RBM20: variants seen among roughly 807,000 people sequenced by gnomAD.
RBM20 encodes the protein RNA binding motif protein 20.
A neutral mutation model predicts 110.1 loss-of-function variants in RBM20; 51 were observed. The ratio of observed to expected loss-of-function variants is 0.46; its 90% confidence interval spans 0.37 to 0.59. RBM20 has a LOEUF of 0.59. RBM20 is among the 20% of genes least tolerant of loss of function. The probability of loss-of-function intolerance (pLI) is 0.00; values close to 1 mark genes in which losing one functional copy is unlikely to be tolerated. For missense variants in RBM20, 1,512 were observed against 1,574.9 expected (o/e 0.96, Z 0.68); for synonymous variants, 589 against 618.2 (o/e 0.95, Z 0.70).
intron 7 of RBM20, among the ~76,000 whole-genome samples, chr10:110,803,557 G>A (rs916817912): frequency 6.6e-6 from 1 of 152,050 alleles, no homozygotes; most frequent in Non-Finnish European, 1.5e-5. Flanking sequence ...GTGGTCCTCG[G>A]AGAACACTTT....
At chr10:110,789,952 T>C (rs941263234) in intron 5 of RBM20, among the ~76,000 whole-genome samples, 4 of 152,248 alleles carry the variant, frequency 2.6e-5, no homozygotes, top group African/African-American at 9.6e-5. Context: ...TCTCTGTGTC[T>C]GTCCCTGTAA....
At chr10:110,644,092 G>A (rs964672439), upstream of RBM20, among the ~76,000 whole-genome samples, 1 of 152,182 alleles carries the variant, frequency 6.6e-6, no homozygotes, top group East Asian at 1.9e-4. This position sits in a 1 kb window ranked among gnomAD's most constrained non-coding sequence, Gnocchi z 4.3. Flanking sequence ...TACGGACCCT[G>A]AGGGTGCACT....
chr10:110,743,996 G>A (rs2134973155), intron 1 of RBM20, among the ~76,000 whole-genome samples: 1 of 152,112 alleles, frequency 6.6e-6, no homozygotes, highest in East Asian at 1.9e-4. Flanking sequence ...TGATCCTGGT[G>A]GGGGCTCCAG....
At chr10:110,694,019 A>G (rs1317909181) in intron 1 of RBM20, among the ~76,000 whole-genome samples, 1 of 152,186 alleles carries the variant, frequency 6.6e-6, no homozygotes, top group Non-Finnish European at 1.5e-5. Context: ...GGTCAGAGAG[A>G]GCTAAGAGAA....
intron 1 of RBM20, among the ~76,000 whole-genome samples, chr10:110,723,131 C>T (rs1162426089): frequency 6.8e-6 from 1 of 147,700 alleles, no homozygotes; most frequent in Non-Finnish European, 1.5e-5. Flanking sequence ...AAAAAAAAAT[C>T]ATCCCAGCAA....
At chr10:110,733,085 C>T (rs1590642834) in intron 1 of RBM20, among the ~76,000 whole-genome samples, 1 of 152,174 alleles carries the variant, frequency 6.6e-6, no homozygotes, top group Non-Finnish European at 1.5e-5. Flanking sequence ...GTCTCAGCAC[C>T]GTCACCACCG....
intron 1 of RBM20, among the ~76,000 whole-genome samples, chr10:110,705,312 A>G (rs1283021367): frequency 6.6e-6 from 1 of 152,254 alleles, no homozygotes; most frequent in African/African-American, 2.4e-5. Flanking sequence ...TTCAGTTTGT[A>G]AACAATGAAT....
chr10:110,703,432 TA>T (rs910984709), intron 1 of RBM20, among the ~76,000 whole-genome samples: 16 of 151,492 alleles, frequency 1.1e-4, no homozygotes, highest in African/African-American at 3.9e-4. Flanking sequence ...CAGTTAAAAA[TA>T]AAACTAAAAA....
At chr10:110,764,350 G>A (rs993337711) in intron 1 of RBM20, among the ~76,000 whole-genome samples, 2 of 152,304 alleles carry the variant, frequency 1.3e-5, no homozygotes, top group South Asian at 2.1e-4. Flanking sequence ...TAAACCAGGC[G>A]AGGCTTTGGA....
intron 1 of RBM20, among the ~76,000 whole-genome samples, chr10:110,675,883 C>G (rs1174704851): frequency 2.6e-5 from 4 of 152,200 alleles, no homozygotes; most frequent in African/African-American, 7.2e-5. Context: ...AGCAGAATGC[C>G]TAGCAGAGAG....
chr10:110,697,290 C>G (rs1862679871), intron 1 of RBM20, among the ~76,000 whole-genome samples: 1 of 152,236 alleles, frequency 6.6e-6, no homozygotes, highest in African/African-American at 2.4e-5. Flanking sequence ...GTATCCCTGG[C>G]TGTTCCCCAC....
In RBM20 at chr10:110,714,984, A is replaced by C. The variant is rs534001390; in HGVS notation, c.192-65817A>C. ...ATTTATTGCCTGGGAGCATTGGTTC[A>C]AGCCTGTAATCCCAGCACTTTGGGA... On this transcript the variant is annotated intron_variant, in intron 1 of 13. Coordinates refer to ENST00000369519, the MANE Select transcript of RBM20 (RefSeq NM_001134363.3). 7.2e-5 allele frequency among the ~76,000 whole-genome samples: 11 copies of C among 152,356 alleles called. No homozygotes were observed. In the South Asian group the frequency reaches 2.3e-3, roughly 32 times the overall value.
At chr10:110,706,501 G>A (rs747705385) in intron 1 of RBM20, among the ~76,000 whole-genome samples, 1 of 152,176 alleles carries the variant, frequency 6.6e-6, no homozygotes, top group Non-Finnish European at 1.5e-5. Flanking sequence ...GAAATGCAAC[G>A]GTTCTGTTTA....
intron 1 of RBM20, among the ~76,000 whole-genome samples, chr10:110,702,653 G>A (rs1310085824): frequency 6.6e-6 from 1 of 152,230 alleles, no homozygotes; most frequent in Non-Finnish European, 1.5e-5. Flanking sequence ...ACTGCTGTCG[G>A]AATTCAGGGT....
At chr10:110,834,787 C>T (rs1365272868) in intron 13 of RBM20, among the ~76,000 whole-genome samples, 6 of 152,232 alleles carry the variant, frequency 3.9e-5, no homozygotes, top group African/African-American at 1.4e-4. Flanking sequence ...ATCCAGTGCT[C>T]TTTGCCTTTT....
intron 1 of RBM20, among the ~76,000 whole-genome samples, chr10:110,686,715 A>AG (rs1205898920): frequency 1.3e-5 from 2 of 152,182 alleles, no homozygotes; most frequent in Non-Finnish European, 2.9e-5. Flanking sequence ...TTCTGCTTAT[A>AG]GGCATTTCTA....
intron 1 of RBM20, among the ~76,000 whole-genome samples, chr10:110,724,657 A>G (rs1172672286): frequency 6.6e-6 from 1 of 152,122 alleles, no homozygotes; most frequent in Non-Finnish European, 1.5e-5. Context: ...GCCCTGGTGG[A>G]GGTCTGGCAC....
chr10:110,770,586 G>GT (rs1272014492), intron 1 of RBM20, among the ~76,000 whole-genome samples: 1 of 152,168 alleles, frequency 6.6e-6, no homozygotes, highest in Admixed American at 6.5e-5. Context: ...TGGACTTCTA[G>GT]TATTTGGCTG....
chr10:110,761,754 G>C (rs1372741870), intron 1 of RBM20, among the ~76,000 whole-genome samples: 1 of 152,226 alleles, frequency 6.6e-6, no homozygotes, highest in Admixed American at 6.5e-5. Context: ...TGCAGGACAT[G>C]TCCCCGGCAT....
Sources: allele counts gnomAD v4.1 joint callset (sites outside exome capture counted in the v4.1 genomes callset), GRCh38; gene constraint gnomAD v4.1.1; non-coding constraint Gnocchi (gnomAD v3.1); transcripts MANE v1.5; gene names NCBI Gene and HGNC (gene_info 2026-07-23, HGNC 2026-07-21).